Variants in MTOR observed in about 807,000 individuals in gnomAD.
The protein encoded by MTOR is serine/threonine-protein kinase mTOR.
In MTOR, 70 loss-of-function variants were observed where a neutral mutation model predicts 319.8. The ratio of observed to expected loss-of-function variants is 0.22; its 90% confidence interval spans 0.18 to 0.27. The LOEUF (loss-of-function observed/expected upper bound fraction) is 0.27, where lower values mean the gene tolerates loss of function less well. MTOR is among the 10% of genes least tolerant of loss of function. The pLI is 1.00. For synonymous variants in MTOR, 1,183 were observed against 1,211.4 expected (o/e 0.98, Z 0.49); for missense variants, 1,890 against 3,274.4 (o/e 0.58, Z 10.32).
chr1:11,134,461 A>G lies in MTOR; in HGVS notation c.5136T>C (p.Asp1712=). 4.3e-6 allele frequency: 7 copies of G among 1,614,142 alleles called. No individual in the cohort carries two copies. The highest frequency in any genetic ancestry group is 1.3e-5 in the African/African-American group (1 of 75,058). ...KNMWKSARKI[D]AFQHMQHFVQ... is the part of the protein sequence containing the mutation. ...CAAAATGCTGCATGTGCTGGAAGGCATCGATCTGTAACAGGACAAAGGCAC... is the reference window on the plus strand; with the variant it reads ...CAAAATGCTGCATGTGCTGGAAGGCGTCGATCTGTAACAGGACAAAGGCAC... The change falls in exon 37 of 58, where the codon GAT becomes GAC. Residue 1712 remains aspartate, a synonymous_variant. Coordinates refer to ENST00000361445, the MANE Select transcript of MTOR (RefSeq NM_004958.4).
At position 11,212,007 on chromosome 1, in the gene MTOR, A is replaced by G. The variant is rs1646327946; in HGVS notation, c.3561+305T>C. Among the ~76,000 whole-genome samples the G allele has an allele frequency of 6.6e-6, 1 of 152,046 alleles. No individual in the cohort carries two copies. Among genetic ancestry groups the G allele is most frequent in the South Asian group, 2.1e-4 (1 of 4,820 alleles). On this transcript the variant is annotated intron_variant, in intron 23 of 57. Transcript: ENST00000361445. This position sits in a 1 kb window ranked among gnomAD's most constrained non-coding sequence, Gnocchi z 4.1. The stretch of plus-strand genomic sequence containing the variant: ...TCTTCTCTGTCTACCCTAAATAAAG[A>G]GCACTTCTCCCCACTTCAACCCATC...
intron 36 of MTOR, chr1:11,138,987 T>C: frequency 3.6e-6 from 1 of 275,964 alleles, no homozygotes; most frequent in Non-Finnish European, 6.7e-6. Context: ...AAATCTGCTC[T>C]TTTTTGTACC....
chr1:11,141,841 TA>T (rs901174663), intron 34 of MTOR, among the ~76,000 whole-genome samples: 59 of 146,058 alleles, frequency 4.0e-4, no homozygotes, highest in Non-Finnish European at 6.7e-4. Context: ...AAAAAAATAA[TA>T]AAAAAAAAAT....
chr1:11,257,162 C>T lies in MTOR; in HGVS notation c.275G>A (p.Ser92Asn). The T allele has an allele frequency of 1.2e-6, 2 of 1,611,768 alleles. No homozygotes were observed. Among genetic ancestry groups the T allele is most frequent in the Non-Finnish European group, 8.5e-7 (1 of 1,178,898 alleles). Residue 92 changes from serine (S) to asparagine (N), a missense_variant, in exon 4 of 58, where the codon AGC becomes AAC. This residue lies in a region of MTOR where 81 missense variants were observed against 203.6 expected (regional missense o/e 0.40). Coordinates refer to ENST00000361445, the MANE Select transcript of MTOR (RefSeq NM_004958.4). ...ATTCCCACCTTCCACTCCTATGAGG[C>T]TAGCTGCAAAAGAGAGGAAGGCAAA... ...ERKGGILAIA[S>N]LIGVEGGNAT...
intron 47 of MTOR, 76 bp downstream of exon 47, chr1:11,124,422 C>T (rs1345093386): frequency 4.5e-6 from 7 of 1,546,418 alleles, no homozygotes; most frequent in Non-Finnish European, 5.3e-6. Context: ...AGATATAATA[C>T]ATGACTACAC....
chr1:11,108,592 A>G (rs1469669942), intron 56 of MTOR, among the ~76,000 whole-genome samples: 2 of 151,860 alleles, frequency 1.3e-5, no homozygotes, highest in African/African-American at 4.8e-5. Context: ...ACATGCCTGT[A>G]GTCCCAGCTA....
In MTOR at chr1:11,134,462, T is replaced by A; in HGVS notation, c.5135A>T (p.Asp1712Val). 1 of 1,614,114 alleles carries A rather than the reference T, an allele frequency of 6.2e-7. No homozygotes were observed. The highest frequency in any genetic ancestry group is 8.5e-7 in the Non-Finnish European group (1 of 1,179,990). The change falls in exon 37 of 58, where the codon GAT becomes GTT. Residue 1712 changes from aspartate to valine, a missense_variant. Asp to Val is a radical substitution (Grantham distance 152). This residue lies in a region of MTOR where 276 missense variants were observed against 459.4 expected (regional missense o/e 0.60). Coordinates refer to ENST00000361445, the MANE Select transcript of MTOR (RefSeq NM_004958.4). ...KNMWKSARKI[D>V]AFQHMQHFVQ... is the part of the protein sequence containing the mutation. Reference sequence around the variant, plus strand: ...AAAATGCTGCATGTGCTGGAAGGCATCGATCTGTAACAGGACAAAGGCACA... The same window carrying A: ...AAAATGCTGCATGTGCTGGAAGGCAACGATCTGTAACAGGACAAAGGCACA...
intron 56 of MTOR, 129 bp from the exon 57 acceptor site, chr1:11,108,415 T>A (rs1253409001): frequency 1.3e-6 from 1 of 779,792 alleles, no homozygotes; most frequent in East Asian, 2.8e-5. Flanking sequence ...ACCATCATAG[T>A]TGGATTTGAA....
chr1:11,207,597 C>CT (rs34578052), intron 25 of MTOR, among the ~76,000 whole-genome samples: 1,693 of 121,676 alleles, frequency 0.014, 17 homozygotes, highest in Non-Finnish European at 0.02. Context: ...TTTTCAATTC[C>CT]TTTTTTTTTT....
At chr1:11,120,516 C>T (rs1002293390) in intron 49 of MTOR, among the ~76,000 whole-genome samples, 10 of 132,196 alleles carry the variant, frequency 7.6e-5, no homozygotes, top group Non-Finnish European at 1.4e-4. Context: ...CCAGCCTGGG[C>T]GGGGAAAAAA....
At chr1:11,153,878 G>A (rs140685943) in intron 30 of MTOR, among the ~76,000 whole-genome samples, 11 of 151,852 alleles carry the variant, frequency 7.2e-5, no homozygotes, top group African/African-American at 1.4e-4. Context: ...AGACCAGCCT[G>A]GCCAACATGG....
chr1:11,234,754 T>G (rs1039777482), intron 13 of MTOR, among the ~76,000 whole-genome samples: 1 of 152,168 alleles, frequency 6.6e-6, no homozygotes, highest in African/African-American at 2.4e-5. Flanking sequence ...ACTCTGTAGC[T>G]GTTTGGGGCA....
rs552155189 is a variant in MTOR, at chr1:11,145,652, C to T, written c.4687-607G>A. On this transcript the variant is annotated intron_variant, in intron 32 of 57. Coordinates refer to ENST00000361445, the MANE Select transcript of MTOR (RefSeq NM_004958.4). ...CTGGGATGCTGGGGTTACAGGCGCC[C>T]GCCACCACGCCCAGCTAATTTTTGT... Among the ~76,000 whole-genome samples the T allele has an allele frequency of 3.9e-5, 6 of 151,946 alleles. No individual in the cohort carries two copies. The South Asian group carries it at 8.3e-4, about 21-fold the overall frequency.
intron 30 of MTOR, among the ~76,000 whole-genome samples, chr1:11,153,558 G>A (rs1458335440): frequency 6.6e-6 from 1 of 152,176 alleles, no homozygotes; most frequent in Non-Finnish European, 1.5e-5. Context: ...CAGCTGATAT[G>A]AAACTAGAAA....
intron 26 of MTOR, among the ~76,000 whole-genome samples, chr1:11,202,314 G>A (rs1645997952): frequency 6.6e-6 from 1 of 151,446 alleles, no homozygotes; most frequent in Non-Finnish European, 1.5e-5. Context: ...CCAGCTCATT[G>A]GGAGGCTGAG....
At chr1:11,216,512 C>T (rs1056926048) in intron 19 of MTOR, among the ~76,000 whole-genome samples, 1 of 152,038 alleles carries the variant, frequency 6.6e-6, no homozygotes, top group Non-Finnish European at 1.5e-5. Context: ...AAAAAATTAG[C>T]TGGGCACTTG....
At chr1:11,211,595 G>A (rs762380903) in intron 23 of MTOR, among the ~76,000 whole-genome samples, 25 of 152,136 alleles carry the variant, frequency 1.6e-4, no homozygotes, top group African/African-American at 6.0e-4. Flanking sequence ...TCCAACTCCT[G>A]ATCTCAAGCA....
chr1:11,118,228 ATTTTTTTT>A (rs771785403), intron 49 of MTOR, among the ~76,000 whole-genome samples: 51 of 120,750 alleles, frequency 4.2e-4, no homozygotes, highest in African/African-American at 1.5e-3. Context: ...AACTTAGTTA[ATTTTTTTT>A]TTTTTTTTTT....
intron 32 of MTOR, 93 bp downstream of exon 32, chr1:11,146,583 G>T: frequency 1.1e-6 from 1 of 922,802 alleles, no homozygotes; most frequent in Non-Finnish European, 1.8e-6. Context: ...CATCAGACCT[G>T]AAGTACAACA....
Sources: allele counts gnomAD v4.1 joint callset (sites outside exome capture counted in the v4.1 genomes callset), GRCh38; gene constraint gnomAD v4.1.1; regional missense constraint gnomAD v4.1.1; non-coding constraint Gnocchi (gnomAD v3.1); transcripts MANE v1.5; gene names NCBI Gene and HGNC (gene_info 2026-07-23, HGNC 2026-07-21).